Variants in IL1RAPL2 observed in about 807,000 individuals in gnomAD.
The protein encoded by IL1RAPL2 is interleukin 1 receptor accessory protein like 2, also known as X-linked interleukin-1 receptor accessory protein-like 2.
A neutral mutation model predicts 44.1 loss-of-function variants in IL1RAPL2; 3 were observed. The ratio of observed to expected loss-of-function variants is 0.07; its 90% CI spans 0.03 to 0.18. IL1RAPL2 has a LOEUF of 0.18. IL1RAPL2 is among the 10% of genes least tolerant of loss of function. The pLI, the probability that IL1RAPL2 is intolerant of heterozygous loss-of-function variation, is 1.00. For missense variants in IL1RAPL2, 391 were observed against 496.4 expected, an observed-to-expected ratio of 0.79 and a Z score of 2.02; for synonymous variants, 181 against 178.8, an observed-to-expected ratio of 1.01 and a Z score of -0.10.
chrX:105,550,656 G>T (rs758339860), intron 6 of IL1RAPL2, among the ~76,000 whole-genome samples: 1 of 111,507 alleles, frequency 9.0e-6, no homozygotes, highest in Non-Finnish European at 1.9e-5. Flanking sequence ...CTGGTTGCTT[G>T]TAGGTCGTTT....
intron 2 of IL1RAPL2, among the ~76,000 whole-genome samples, chrX:104,962,803 C>T (rs1250018655): frequency 8.9e-6 from 1 of 111,963 alleles, no homozygotes; most frequent in Non-Finnish European, 1.9e-5. Context: ...CTCTGCCTTT[C>T]TCTTCATAAT....
At chrX:105,264,371 T>A (rs961224824) in intron 4 of IL1RAPL2, among the ~76,000 whole-genome samples, 3 of 111,581 alleles carry the variant, frequency 2.7e-5, no homozygotes, top group African/African-American at 9.8e-5. Flanking sequence ...TGGGTATTTC[T>A]TCATAGCAGC....
At chrX:105,082,569 G>A (rs2032426503) in intron 2 of IL1RAPL2, among the ~76,000 whole-genome samples, 1 of 110,843 alleles carries the variant, frequency 9.0e-6, no homozygotes, top group African/African-American at 3.3e-5. Flanking sequence ...GCATCTGGTG[G>A]GTGCCCCTCT....
At chrX:105,584,952 G>T (rs1474060137) in intron 6 of IL1RAPL2, among the ~76,000 whole-genome samples, 1 of 108,857 alleles carries the variant, frequency 9.2e-6, no homozygotes, top group South Asian at 3.9e-4. Context: ...TCAGTCTTTC[G>T]TCCTTCTGTA....
At chrX:105,380,628 C>T (rs1172848102) in intron 5 of IL1RAPL2, among the ~76,000 whole-genome samples, 1 of 111,606 alleles carries the variant, frequency 9.0e-6, no homozygotes, top group Non-Finnish European at 1.9e-5. Context: ...ATATAGTCAT[C>T]TTGTCTTGAT....
At chrX:105,626,489 G>A (rs755590224) in intron 6 of IL1RAPL2, among the ~76,000 whole-genome samples, 19 of 111,458 alleles carry the variant, frequency 1.7e-4, no homozygotes, top group Admixed American at 1.2e-3. Flanking sequence ...GTGGTTTTCC[G>A]GGTACTTCTT....
chrX:104,573,795 A>G (rs1928191591), intron 1 of IL1RAPL2, among the ~76,000 whole-genome samples: 1 of 112,252 alleles, frequency 8.9e-6, no homozygotes, highest in South Asian at 3.6e-4. Context: ...CAGTGTCCAA[A>G]GAAATAATCT....
chrX:105,442,425 C>G (rs1046005333), intron 5 of IL1RAPL2, among the ~76,000 whole-genome samples: 3 of 111,400 alleles, frequency 2.7e-5, no homozygotes, highest in African/African-American at 6.5e-5. Context: ...GATCCTAGCT[C>G]TAGGCAAACA....
chrX:105,231,623 C>A (rs2034071793), intron 3 of IL1RAPL2, among the ~76,000 whole-genome samples: 1 of 112,321 alleles, frequency 8.9e-6, no homozygotes, highest in Admixed American at 9.5e-5. Flanking sequence ...ACAAGAGCAA[C>A]AAATTCCTTG....
intron 2 of IL1RAPL2, among the ~76,000 whole-genome samples, chrX:104,908,118 A>G (rs1300859198): frequency 9.1e-6 from 1 of 110,070 alleles, no homozygotes; most frequent in African/African-American, 3.3e-5. Context: ...AGAGACTAGG[A>G]TTGCAACCCC....
intron 2 of IL1RAPL2, among the ~76,000 whole-genome samples, chrX:105,029,240 T>C (rs886925101): frequency 4.5e-4 from 48 of 106,602 alleles, no homozygotes; most frequent in Non-Finnish European, 7.3e-4. Context: ...TTATTTTTTA[T>C]TTATTTATTT....
At chrX:105,748,921 GATTTA>G (rs747476026) in intron 8 of IL1RAPL2, 34 bp from the exon 9 acceptor site, 2 of 1,177,647 alleles carry the variant, frequency 1.7e-6, no homozygotes, top group East Asian at 6.0e-5. Flanking sequence ...AAGTGTTGCT[GATTTA>G]ATTACCTTTT....
intron 2 of IL1RAPL2, among the ~76,000 whole-genome samples, chrX:104,976,872 A>T (rs1478505045): frequency 1.1e-5 from 1 of 93,562 alleles, no homozygotes; most frequent in Non-Finnish European, 2.1e-5. Flanking sequence ...AACTGCCCTG[A>T]CTTAAACAAT....
chrX:104,952,352 G>A (rs757746218), intron 2 of IL1RAPL2, among the ~76,000 whole-genome samples: 1 of 111,699 alleles, frequency 9.0e-6, no homozygotes, highest in Admixed American at 9.5e-5. Context: ...CTTGCACGAG[G>A]CCAAAATAGC....
At chrX:104,661,426 G>A (rs1390030010) in intron 2 of IL1RAPL2, among the ~76,000 whole-genome samples, 2 of 111,275 alleles carry the variant, frequency 1.8e-5, no homozygotes, top group Non-Finnish European at 3.8e-5. Flanking sequence ...GCTTGTCTCT[G>A]TGTGTTTTTT....
chrX:105,540,927 A>T (rs1487919922), intron 6 of IL1RAPL2, among the ~76,000 whole-genome samples: 2 of 101,426 alleles, frequency 2.0e-5, no homozygotes, highest in African/African-American at 3.7e-5. Flanking sequence ...TATGATATAT[A>T]ATATATACAT....
At chrX:105,489,220 T>C (rs1357752119) in intron 6 of IL1RAPL2, among the ~76,000 whole-genome samples, 2 of 111,799 alleles carry the variant, frequency 1.8e-5, no homozygotes, top group Non-Finnish European at 3.8e-5. Flanking sequence ...GGTCCTGTTA[T>C]CCTTTATTTT....
intron 2 of IL1RAPL2, among the ~76,000 whole-genome samples, chrX:104,956,427 G>C (rs2029898670): frequency 9.4e-6 from 1 of 106,711 alleles, no homozygotes; most frequent in Non-Finnish European, 1.9e-5. Flanking sequence ...TTTGAGACCA[G>C]CCTGGCCAAC....
chrX:105,079,885 T>A (rs2032377904), intron 2 of IL1RAPL2, among the ~76,000 whole-genome samples: 1 of 111,454 alleles, frequency 9.0e-6, no homozygotes, highest in Admixed American at 9.6e-5. Flanking sequence ...TTTTTAATAA[T>A]CACCATTCTA....
Sources: allele counts gnomAD v4.1 joint callset (sites outside exome capture counted in the v4.1 genomes callset), GRCh38; gene constraint gnomAD v4.1.1; transcripts MANE v1.5; gene names NCBI Gene and HGNC (gene_info 2026-07-23, HGNC 2026-07-21).